Variants in DTNBP1 observed in about 807,000 individuals in gnomAD.
DTNBP1 encodes dystrobrevin binding protein 1, also known as dysbindin.
In DTNBP1, 35 loss-of-function variants were observed where a neutral mutation model predicts 42.8. The observed-to-expected ratio is 0.82, with a 90% CI of 0.63 to 1.09. The LOEUF (loss-of-function observed/expected upper bound fraction) is 1.09. DTNBP1 is among the 50% of genes least tolerant of loss of function. DTNBP1 has a pLI of 0.00. For synonymous variants in DTNBP1, 171 were observed against 162.2 expected, an observed-to-expected ratio of 1.05 and a Z score of -0.41; for missense variants, 457 against 424.2, an observed-to-expected ratio of 1.08 and a Z score of -0.68.
intron 1 of DTNBP1, among the ~76,000 whole-genome samples, chr6:15,657,422 T>C (rs1477287741): frequency 6.6e-6 from 1 of 152,194 alleles, no homozygotes; most frequent in Non-Finnish European, 1.5e-5. Context: ...ATCTGACCAG[T>C]GCCTAACACA....
chr6:15,612,596 A>G (rs1758472946), intron 6 of DTNBP1, among the ~76,000 whole-genome samples: 1 of 152,224 alleles, frequency 6.6e-6, no homozygotes, highest in Admixed American at 6.5e-5. Flanking sequence ...AGTTAGTCAG[A>G]GCTGGCAGCC....
chr6:15,577,138 G>A (rs1461853680), intron 7 of DTNBP1, among the ~76,000 whole-genome samples: 1 of 152,238 alleles, frequency 6.6e-6, no homozygotes, highest in Non-Finnish European at 1.5e-5. Flanking sequence ...CAGGACAGGC[G>A]GTGGGAAAAG....
At chr6:15,633,872 T>A (rs922352036) in intron 4 of DTNBP1, among the ~76,000 whole-genome samples, 2 of 152,234 alleles carry the variant, frequency 1.3e-5, no homozygotes, top group African/African-American at 2.4e-5. Context: ...CAGCATTTTT[T>A]AAGCAATACA....
rs578182766 is a variant in DTNBP1 at position 15,620,364 on chromosome 6, A to T, written c.356-4965T>A. Among the ~76,000 whole-genome samples the T allele has an allele frequency of 5.6e-4, 85 of 152,156 alleles. 1 individual carries two copies. The highest frequency in any genetic ancestry group is 8.8e-4 in the Non-Finnish European group (60 of 67,992). ...ATGATGTACTGCCATTTATATATAT[A>T]TTTTTTTGTAGAGACGAGACCTCAC... On this transcript the variant is annotated intron_variant, in intron 5 of 9. Transcript: ENST00000344537.
In DTNBP1 at chr6:15,587,620, A is replaced by G. The variant is rs1255881200; in HGVS notation, c.511+5439T>C. 6.6e-6 allele frequency among the ~76,000 whole-genome samples: 1 copy of G among 152,186 alleles called. No individual in the cohort carries two copies. Among genetic ancestry groups the G allele is most frequent in the Non-Finnish European group, 1.5e-5 (1 of 68,036 alleles). On this transcript the variant is annotated intron_variant, in intron 7 of 9. Coordinates refer to ENST00000344537, the MANE Select transcript of DTNBP1 (RefSeq NM_032122.5). The surrounding 1 kb of genome is among the most constrained non-coding windows in gnomAD (Gnocchi z 4.1). The stretch of plus-strand genomic sequence containing the variant: ...TCACTGGTTTCCTACAAAGGTGCCA[A>G]AGCAATTCAATGGGGAAAAGAAGCT...
chr6:15,651,502 A>C (rs1336245299), intron 2 of DTNBP1, 139 bp from the exon 3 acceptor site: 1 of 1,219,656 alleles, frequency 8.2e-7, no homozygotes, highest in Non-Finnish European at 1.2e-6. Flanking sequence ...ACTTTTAGAG[A>C]AATGTGTTTT....
At chr6:15,605,833 C>G (rs996336612) in intron 6 of DTNBP1, among the ~76,000 whole-genome samples, 5 of 152,222 alleles carry the variant, frequency 3.3e-5, no homozygotes, top group African/African-American at 1.2e-4. Flanking sequence ...GACAACTTAG[C>G]TACTGGTTTG....
chr6:15,586,978 A>G (rs773612805), intron 7 of DTNBP1, among the ~76,000 whole-genome samples: 1 of 152,046 alleles, frequency 6.6e-6, no homozygotes. Context: ...TGCATTGTCA[A>G]CTTTTTTTCA....
At chr6:15,526,638 T>G (rs925102339) in intron 8 of DTNBP1, among the ~76,000 whole-genome samples, 3 of 152,208 alleles carry the variant, frequency 2.0e-5, no homozygotes, top group African/African-American at 7.2e-5. Flanking sequence ...GGGCTGGATC[T>G]TCAAGGCTGA....
intron 6 of DTNBP1, among the ~76,000 whole-genome samples, chr6:15,599,081 A>C (rs934487779): frequency 5.3e-5 from 8 of 152,196 alleles, no homozygotes; most frequent in Non-Finnish European, 1.0e-4. Flanking sequence ...GCAGGTTGGC[A>C]GCACTAAGTT....
chr6:15,566,522 C>T (rs1775092950), intron 7 of DTNBP1, among the ~76,000 whole-genome samples: 1 of 152,038 alleles, frequency 6.6e-6, no homozygotes, highest in Non-Finnish European at 1.5e-5. Context: ...CTAAGACAGA[C>T]AGAACAAACT....
At chr6:15,570,665 A>C (rs369717749) in intron 7 of DTNBP1, among the ~76,000 whole-genome samples, 9 of 152,282 alleles carry the variant, frequency 5.9e-5, no homozygotes, top group African/African-American at 2.2e-4. Context: ...CTTTCCTTCA[A>C]ATTTCTTTTC....
intron 7 of DTNBP1, among the ~76,000 whole-genome samples, chr6:15,589,468 C>A (rs1277813873): frequency 6.6e-6 from 1 of 152,216 alleles, no homozygotes; most frequent in African/African-American, 2.4e-5. Context: ...CAGAACTCCA[C>A]AGCCAATCAT....
chr6:15,548,462 C>CAG, intron 7 of DTNBP1: 1 of 151,870 alleles, frequency 6.6e-6, no homozygotes, highest in Non-Finnish European at 1.5e-5. Flanking sequence ...CACACACACA[C>CAG]ACACACACAC....
At chr6:15,651,206 A>T in intron 3 of DTNBP1, 107 bp downstream of exon 3, 1 of 987,716 alleles carries the variant, frequency 1.0e-6, no homozygotes, top group Non-Finnish European at 1.6e-6. Context: ...CACTGCATTA[A>T]GATAAAATTT....
rs771465987 is a variant in DTNBP1, at chr6:15,524,604, C to T, written c.733G>A (p.Asp245Asn). Residue 245 changes from aspartate to asparagine, a missense_variant, in exon 9 of 10, where the codon GAC becomes AAC. By Grantham distance (23) the Asp-to-Asn change is conservative (BLOSUM62 1). Coordinates refer to ENST00000344537, the MANE Select transcript of DTNBP1 (RefSeq NM_032122.5). ...VDMLEQMDLM[D>N]ISDQEALDVF... The stretch of plus-strand genomic sequence containing the variant: ...TCCAGGGCCTCCTGGTCCGATATGT[C>T]CATCAGGTCCATCTGCTCCAGCATG... 4 of 1,613,792 alleles carry T rather than the reference C, an allele frequency of 2.5e-6. No individual in the cohort carries two copies. Among genetic ancestry groups the T allele is most frequent in the South Asian group, 1.1e-5 (1 of 91,026 alleles).
chr6:15,576,958 A>G (rs1775604971), intron 7 of DTNBP1, among the ~76,000 whole-genome samples: 1 of 152,184 alleles, frequency 6.6e-6, no homozygotes, highest in Non-Finnish European at 1.5e-5. Context: ...AGCAGAGAAA[A>G]GCCAGATAAA....
chr6:15,569,846 AG>A (rs1222785528), intron 7 of DTNBP1, among the ~76,000 whole-genome samples: 6 of 152,194 alleles, frequency 3.9e-5, no homozygotes, highest in Admixed American at 1.3e-4. Context: ...TCACCACGTC[AG>A]GTAGTCCCTG....
At chr6:15,549,345 C>T (rs1012068997) in intron 7 of DTNBP1, among the ~76,000 whole-genome samples, 2 of 151,860 alleles carry the variant, frequency 1.3e-5, no homozygotes, top group East Asian at 1.9e-4. Context: ...ATTAGCCAGG[C>T]GTGGTGGCGG....
Sources: gnomAD v4.1 joint callset for allele counts (sites outside exome capture counted in the v4.1 genomes callset) on GRCh38, gnomAD v4.1.1 for gene constraint, Gnocchi (gnomAD v3.1) non-coding constraint, MANE v1.5 for transcripts, NCBI Gene and HGNC (gene_info 2026-07-23, HGNC 2026-07-21) for gene names.